The following BCKDHB variants were observed in gnomAD, a reference collection of about 807,000 sequenced individuals.
BCKDHB encodes branched chain keto acid dehydrogenase E1 subunit beta, also known as 2-oxoisovalerate dehydrogenase subunit beta, mitochondrial.
BCKDHB carries 41 observed loss-of-function variants against 48.5 expected under a neutral mutation model. That is an observed-to-expected ratio of 0.85 (90% CI 0.66 to 1.10). BCKDHB has a LOEUF of 1.10. BCKDHB is among the 50% of genes least tolerant of loss of function. The pLI is 0.00. For missense variants in BCKDHB, 496 were observed against 494.2 expected (o/e 1.00, Z -0.03); for synonymous variants, 201 against 174.8 (o/e 1.15, Z -1.18).
chr6:80,171,486 T>A, intron 6 of BCKDHB, 96 bp downstream of exon 6: 1 of 717,548 alleles, frequency 1.4e-6, no homozygotes, highest in Non-Finnish European at 2.2e-6. Context: ...TATGGTTGAT[T>A]TATATTTTCC....
Position 80,156,205 on chromosome 6 carries a change from A to G in BCKDHB, c.344-11473A>G, listed in dbSNP as rs543617268. Among the ~76,000 whole-genome samples, 20 of 151,990 alleles carry G rather than the reference A, an allele frequency of 1.3e-4. No individual in the cohort carries two copies. The East Asian group carries it at 3.7e-3, about 28-fold the overall frequency. ...TGTCAACGATAATCTTGAGAAGGTA[A>G]TATAAGCTTTTTCTGGGTCATCTGA... On this transcript the variant is annotated intron_variant, in intron 3 of 9. Coordinates refer to ENST00000320393, the MANE Select transcript of BCKDHB (RefSeq NM_183050.4).
intron 8 of BCKDHB, among the ~76,000 whole-genome samples, chr6:80,207,778 G>T (rs1285525966): frequency 2.6e-5 from 4 of 151,518 alleles, no homozygotes; most frequent in African/African-American, 7.3e-5. Flanking sequence ...TATGCCAAAG[G>T]GACCAGTCCA....
At chr6:80,280,960 T>G (rs1778168438) in intron 9 of BCKDHB, among the ~76,000 whole-genome samples, 1 of 152,032 alleles carries the variant, frequency 6.6e-6, no homozygotes, top group Admixed American at 6.6e-5. Context: ...GTTTCTAGGT[T>G]GGATGATTTT....
chr6:80,252,831 C>G (rs886320161), intron 8 of BCKDHB, among the ~76,000 whole-genome samples: 1 of 152,162 alleles, frequency 6.6e-6, no homozygotes, highest in African/African-American at 2.4e-5. Context: ...ACAACCTACT[C>G]TCACACAGTT....
chr6:80,169,095 AATATCT>A, intron 5 of BCKDHB, 65 bp downstream of exon 5: 1 of 1,563,020 alleles, frequency 6.4e-7, no homozygotes, highest in Non-Finnish European at 8.8e-7. Context: ...CATTCTATTT[AATATCT>A]ATGCTTATCT....
chr6:80,355,785 T>C, the BCKDHB span: 1 of 152,184 alleles, frequency 6.6e-6, no homozygotes, highest in East Asian at 1.9e-4. Context: ...TCTCTCTGGC[T>C]CTGGCTCTGT....
chr6:80,341,932 T>G (rs1040505675), intron 9 of BCKDHB, among the ~76,000 whole-genome samples: 1 of 152,200 alleles, frequency 6.6e-6, no homozygotes. Flanking sequence ...AGCTTATTAG[T>G]AGTGGAATCT....
chr6:80,423,420 G>A, the BCKDHB span, among the ~76,000 whole-genome samples: 1 of 152,170 alleles, frequency 6.6e-6, no homozygotes, highest in Non-Finnish European at 1.5e-5. Flanking sequence ...GAAATTTGGT[G>A]TTTCTCTTGA....
At chr6:80,409,604 AT>A in the BCKDHB span, among the ~76,000 whole-genome samples, 1 of 64,726 alleles carries the variant, frequency 1.5e-5, no homozygotes, top group Non-Finnish European at 2.7e-5. Flanking sequence ...ATATATATAT[AT>A]ATATATATAT....
chr6:80,333,044 T>C (rs1319755332), intron 9 of BCKDHB, among the ~76,000 whole-genome samples: 1 of 152,206 alleles, frequency 6.6e-6, no homozygotes, highest in Non-Finnish European at 1.5e-5. Flanking sequence ...CGGCTAAGCT[T>C]TTTATAAATG....
At chr6:80,406,973 G>A in the BCKDHB span, among the ~76,000 whole-genome samples, 1 of 152,162 alleles carries the variant, frequency 6.6e-6, no homozygotes, top group African/African-American at 2.4e-5. Flanking sequence ...TCCTTCTAGG[G>A]TTTTTATGGT....
At chr6:80,256,954 T>C (rs893996876) in intron 8 of BCKDHB, among the ~76,000 whole-genome samples, 5 of 152,222 alleles carry the variant, frequency 3.3e-5, no homozygotes, top group African/African-American at 1.2e-4. Context: ...ATGGTTGTAC[T>C]CTAAAATCTA....
At chr6:80,446,421 G>A in the BCKDHB span, among the ~76,000 whole-genome samples, 8 of 152,182 alleles carry the variant, frequency 5.3e-5, no homozygotes, top group Non-Finnish European at 1.2e-4. Context: ...GGTTTCACGT[G>A]TTTATAAAGC....
chr6:80,324,273 T>C (rs1025870764), intron 9 of BCKDHB, among the ~76,000 whole-genome samples: 1 of 152,176 alleles, frequency 6.6e-6, no homozygotes, highest in African/African-American at 2.4e-5. Context: ...CCAAGAATAA[T>C]TAAATAAGAC....
intron 9 of BCKDHB, among the ~76,000 whole-genome samples, chr6:80,313,681 A>G (rs1427766381): frequency 6.6e-6 from 1 of 152,032 alleles, no homozygotes; most frequent in Non-Finnish European, 1.5e-5. Context: ...CGCCTGACCT[A>G]TTTTATTAAT....
chr6:80,464,302 T>A, the BCKDHB span, among the ~76,000 whole-genome samples: 1 of 151,970 alleles, frequency 6.6e-6, no homozygotes, highest in Non-Finnish European at 1.5e-5. Flanking sequence ...AATTTTTTTG[T>A]ATTTTTAGTA....
chr6:80,443,422 G>C, the BCKDHB span: 1 of 152,118 alleles, frequency 6.6e-6, no homozygotes, highest in African/African-American at 2.4e-5. Context: ...GTGAACACAT[G>C]AGTGAAGCAT....
intron 9 of BCKDHB, among the ~76,000 whole-genome samples, chr6:80,302,108 C>G (rs1037359731): frequency 6.6e-6 from 1 of 152,116 alleles, no homozygotes; most frequent in South Asian, 2.1e-4. Context: ...GATACCCACT[C>G]TCACCAATCC....
In BCKDHB at chr6:80,119,459, C is replaced by T. The variant is rs190993640; in HGVS notation, c.197-8088C>T. On this transcript the variant is annotated intron_variant, in intron 1 of 9. Transcript: ENST00000320393. ...TTAGCCTCCTGAGTAGCTGGGATTACAGGTGTGCACCACCATACTGGGCTA... is the reference window on the plus strand; with the variant it reads ...TTAGCCTCCTGAGTAGCTGGGATTATAGGTGTGCACCACCATACTGGGCTA... 1.3e-3 allele frequency among the ~76,000 whole-genome samples: 194 copies of T among 152,206 alleles called. 1 individual carries two copies. Among genetic ancestry groups the T allele is most frequent in the Middle Eastern group, 3.4e-3 (1 of 294 alleles).
Sources: gnomAD v4.1 joint callset for allele counts (sites outside exome capture counted in the v4.1 genomes callset) on GRCh38, gnomAD v4.1.1 for gene constraint, MANE v1.5 for transcripts, NCBI Gene and HGNC (gene_info 2026-07-23, HGNC 2026-07-21) for gene names.